Variants in ABI3BP observed in about 807,000 individuals in gnomAD.
ABI3BP encodes target of Nesh-SH3.
ABI3BP carries 216 observed loss-of-function variants against 268.6 expected under a neutral mutation model. The observed-to-expected ratio is 0.80, with a 90% CI of 0.72 to 0.90. The LOEUF (loss-of-function observed/expected upper bound fraction) is 0.90, where lower values mean the gene tolerates loss of function less well. ABI3BP is among the 40% of genes least tolerant of loss of function. The probability of loss-of-function intolerance (pLI) is 0.00; values close to 1 mark genes in which losing one functional copy is unlikely to be tolerated. For synonymous variants in ABI3BP, 730 were observed against 730.0 expected, an observed-to-expected ratio of 1.00 and a Z score of 0.00; for missense variants, 2,090 against 2,182.4, an observed-to-expected ratio of 0.96 and a Z score of 0.84.
Position 100,762,442 on chromosome 3 carries a change from A to G in ABI3BP, c.4850+3399T>C, listed in dbSNP as rs182560234. On this transcript the variant is annotated intron_variant, in intron 63 of 67. Coordinates refer to ENST00000471714, the MANE Select transcript of ABI3BP (RefSeq NM_001375547.2). ...CTTGTTGGCTTACCCCTTCCATCCT[A>G]TTCTTTATCAAATTCTAGTCTCAAG... Among the ~76,000 whole-genome samples, 23 of 152,186 alleles carry G rather than the reference A, an allele frequency of 1.5e-4. No individual in the cohort carries two copies. In the East Asian group the frequency reaches 4.4e-3, roughly 29 times the overall value.
intron 49 of ABI3BP, among the ~76,000 whole-genome samples, chr3:100,810,163 C>T (rs2097820176): frequency 6.6e-6 from 1 of 151,920 alleles, no homozygotes; most frequent in Non-Finnish European, 1.5e-5. Context: ...AATGTTCTTC[C>T]CAGAAGCATT....
At chr3:100,894,037 T>C (rs2046004596) in intron 4 of ABI3BP, among the ~76,000 whole-genome samples, 1 of 152,028 alleles carries the variant, frequency 6.6e-6, no homozygotes, top group Non-Finnish European at 1.5e-5. Context: ...TAGCAGGGAA[T>C]GTAGCCAGGA....
intron 57 of ABI3BP, among the ~76,000 whole-genome samples, chr3:100,784,883 G>T (rs943626048): frequency 6.6e-6 from 1 of 152,086 alleles, no homozygotes; most frequent in Non-Finnish European, 1.5e-5. Context: ...GACCCAGAAG[G>T]GGGAGGGTGA....
At chr3:100,865,911 A>G (rs945104147) in intron 10 of ABI3BP, among the ~76,000 whole-genome samples, 3 of 152,212 alleles carry the variant, frequency 2.0e-5, no homozygotes, top group African/African-American at 7.2e-5. Context: ...GGGTCACTCC[A>G]GTAGCTATAC....
intron 62 of ABI3BP, 60 bp downstream of exon 62, chr3:100,770,683 T>C: frequency 1.5e-6 from 2 of 1,377,554 alleles, no homozygotes; most frequent in Non-Finnish European, 1.9e-6. Context: ...GGTACCCCAC[T>C]CCCAGGGTAT....
Position 100,753,718 on chromosome 3 carries a change from A to G in ABI3BP, c.4960+101T>C, listed in dbSNP as rs566601302. 6.8e-6 allele frequency: 9 copies of G among 1,320,354 alleles called. No individual in the cohort carries two copies. The African/African-American group carries it at 1.0e-4, about 15-fold the overall frequency. The allele number at this position is 1,320,354 out of a possible 1,614,324, so 81.8% of individuals were successfully genotyped here. A position where few individuals can be genotyped will look rare whatever the true frequency, so the allele number is the denominator to read the frequency against. ...ACTGTTTGGTGTTATAAGAAGACTA[A>G]GTGGAAAAACGCGAAATCATGATTC... On this transcript the variant is annotated intron_variant, in intron 65 of 67. Coordinates refer to ENST00000471714, the MANE Select transcript of ABI3BP (RefSeq NM_001375547.2).
intron 17 of ABI3BP, 122 bp from the exon 18 acceptor site, chr3:100,848,997 T>A: frequency 1.3e-6 from 1 of 779,236 alleles, no homozygotes; most frequent in South Asian, 1.5e-5. Flanking sequence ...ATCCTTAGAA[T>A]GTCCAGTATA....
chr3:100,850,167 A>C, intron 16 of ABI3BP, 48 bp from the exon 17 acceptor site: 1 of 1,523,034 alleles, frequency 6.6e-7, no homozygotes, highest in African/African-American at 1.4e-5. Flanking sequence ...AGTTAAAATG[A>C]GGTATTTGAA....
intron 2 of ABI3BP, chr3:100,911,825 C>T (rs1368631759): frequency 1.3e-6 from 2 of 1,586,056 alleles, no homozygotes; most frequent in African/African-American, 1.3e-5. Context: ...AAAAATGCTC[C>T]TGCAAGTTTT....
chr3:100,890,542 A>G (rs189731179), intron 4 of ABI3BP, among the ~76,000 whole-genome samples: 1 of 152,070 alleles, frequency 6.6e-6, no homozygotes, highest in South Asian at 2.1e-4. Flanking sequence ...AGTTGTTTAG[A>G]TATCTTTCAT....
chr3:100,768,120 ACT>A (rs1412203849), intron 62 of ABI3BP, among the ~76,000 whole-genome samples: 1 of 128,802 alleles, frequency 7.8e-6, no homozygotes, highest in African/African-American at 3.0e-5. Context: ...GGAGTCTCAC[ACT>A]CTGTCGCCTA....
chr3:100,850,624 GA>G, intron 16 of ABI3BP, 35 bp downstream of exon 16: 1 of 1,511,994 alleles, frequency 6.6e-7, no homozygotes, highest in Non-Finnish European at 9.1e-7. Flanking sequence ...TTTTTTGATG[GA>G]AAATAAAGTA....
intron 9 of ABI3BP, among the ~76,000 whole-genome samples, chr3:100,871,212 G>A (rs2099106025): frequency 6.6e-6 from 1 of 152,152 alleles, no homozygotes. Context: ...CAAGAGAATG[G>A]ATGTTAATTT....
At chr3:100,966,990 C>T (rs1457986342) in intron 1 of ABI3BP, among the ~76,000 whole-genome samples, 1 of 151,594 alleles carries the variant, frequency 6.6e-6, no homozygotes, top group African/African-American at 2.4e-5. Flanking sequence ...GACTTATTGG[C>T]AGACCCAGGT....
chr3:100,905,109 T>C (rs574436521), intron 2 of ABI3BP, among the ~76,000 whole-genome samples: 61 of 152,214 alleles, frequency 4.0e-4, no homozygotes, highest in Admixed American at 7.2e-4. Flanking sequence ...ATGTCCTTTG[T>C]AGGGACATGG....
At chr3:100,821,137 C>G in intron 38 of ABI3BP, 24 bp from the exon 39 acceptor site, 1 of 1,528,710 alleles carries the variant, frequency 6.5e-7, no homozygotes, top group Non-Finnish European at 8.8e-7. Context: ...TTAAAATTAA[C>G]CAAATGATTA....
At chr3:100,792,816 G>A in intron 54 of ABI3BP, 48 bp from the exon 55 acceptor site, 1 of 1,522,312 alleles carries the variant, frequency 6.6e-7, no homozygotes, top group Non-Finnish European at 9.1e-7. Context: ...TTAACATTAT[G>A]AATATGACCA....
At chr3:100,986,449 A>G (rs2091781462) in intron 1 of ABI3BP, among the ~76,000 whole-genome samples, 1 of 152,208 alleles carries the variant, frequency 6.6e-6, no homozygotes, top group Non-Finnish European at 1.5e-5. Context: ...GACATTTGTT[A>G]TAAGAAAAAG....
intron 51 of ABI3BP, among the ~76,000 whole-genome samples, chr3:100,797,685 C>T (rs1366077217): frequency 2.0e-5 from 3 of 151,640 alleles, no homozygotes; most frequent in African/African-American, 7.3e-5. Flanking sequence ...AACTTGCATG[C>T]CACATCTGTT....
Sources: allele counts gnomAD v4.1 joint callset (sites outside exome capture counted in the v4.1 genomes callset), GRCh38; gene constraint gnomAD v4.1.1; transcripts MANE v1.5; gene names NCBI Gene and HGNC (gene_info 2026-07-23, HGNC 2026-07-21).